The following DCPS variants were observed in gnomAD, a reference collection of about 807,000 sequenced individuals.
DCPS encodes the protein m7GpppX diphosphatase.
Under a neutral mutation model 34.7 loss-of-function variants are expected in DCPS, and 27 were observed. The observed-to-expected ratio is 0.78, with a 90% confidence interval of 0.57 to 1.07. The LOEUF is 1.07. Among genes scored for constraint, DCPS ranks in the 50% least tolerant of loss-of-function variants. The pLI, the probability that DCPS is intolerant of heterozygous loss-of-function variation, is 0.00. For synonymous variants in DCPS, 185 were observed against 185.7 expected (o/e 1.00, Z 0.03); for missense variants, 464 against 436.9 (o/e 1.06, Z -0.55).
intron 2 of DCPS, among the ~76,000 whole-genome samples, chr11:126,307,685 G>T (rs1441667965): frequency 3.3e-5 from 5 of 152,126 alleles, no homozygotes; most frequent in African/African-American, 1.2e-4. Context: ...GGGATTACAG[G>T]TGTGAGCCAC....
In DCPS at chr11:126,345,897, G is replaced by A. The variant is rs1283745142; in HGVS notation, c.*284G>A. ...GGGAGCTGCCCTGGAAGGGTGCCGA[G>A]GGCCTTCTCCAAGCCCCAGGGCTCA... is the stretch of plus-strand genomic sequence containing the variant. On this transcript the variant is annotated 3_prime_UTR_variant, in exon 6 of 6. Transcript: ENST00000263579. The surrounding 1 kb of genome is among the most constrained non-coding windows in gnomAD (Gnocchi z 7.4). The A allele has an allele frequency of 5.9e-6, 3 of 505,182 alleles. No individual in the cohort carries two copies. The highest frequency in any genetic ancestry group is 5.8e-5 in the African/African-American group (3 of 51,736). The allele number at this position is 505,182 out of a possible 1,614,324, so 31.3% of individuals were successfully genotyped here. A position where few individuals can be genotyped will look rare whatever the true frequency, so the allele number is the denominator to read the frequency against.
At chr11:126,305,741 T>A (rs773042190) in intron 1 of DCPS, among the ~76,000 whole-genome samples, 36 of 148,820 alleles carry the variant, frequency 2.4e-4, no homozygotes, top group African/African-American at 8.0e-4. Context: ...TTGTTTTTTG[T>A]TTGTTTGTTT....
rs1591391213 is a variant in DCPS, at chr11:126,337,974, T to G, written c.523-312T>G. On this transcript the variant is annotated intron_variant, in intron 3 of 5. Transcript: ENST00000263579. The surrounding 1 kb of genome is among the most constrained non-coding windows in gnomAD (Gnocchi z 5.3). ...CTATAGAGGGCAGACACAGCCTGGG[T>G]TTGGAGGCCTCCGCAGAGCATGTGC... 2.9e-6 allele frequency: 1 copy of G among 339,334 alleles called. No homozygotes were observed. Among genetic ancestry groups the G allele is most frequent in the Non-Finnish European group, 5.6e-6 (1 of 177,996 alleles). The allele number at this position is 339,334 out of a possible 1,614,324, so 21.0% of individuals were successfully genotyped here. A position where few individuals can be genotyped will look rare whatever the true frequency, so the allele number is the denominator to read the frequency against.
In DCPS at chr11:126,335,444, C is replaced by CT. The variant is rs959190911; in HGVS notation, c.523-2833dup. 1.3e-4 allele frequency among the ~76,000 whole-genome samples: 19 copies of CT among 151,768 alleles called. No homozygotes were observed. The highest frequency in any genetic ancestry group is 3.9e-4 in the African/African-American group (16 of 41,380). On this transcript the variant is annotated intron_variant, in intron 3 of 5. Transcript: ENST00000263579. This position sits in a 1 kb window ranked among gnomAD's most constrained non-coding sequence, Gnocchi z 4.8. ...GTGTGAATTTTGTTCTTTCATTCTC[C>CT]TTTTTTTTTATCTGGGCCCCTGGCC...
chr11:126,307,753 A>G (rs148481894), intron 2 of DCPS, among the ~76,000 whole-genome samples: 1 of 152,360 alleles, frequency 6.6e-6, no homozygotes, highest in African/African-American at 2.4e-5. Flanking sequence ...ATTGTCAACA[A>G]CACTTAGGAA....
chr11:126,306,821 C>T, intron 2 of DCPS, 77 bp downstream of exon 2: 1 of 1,482,308 alleles, frequency 6.7e-7, no homozygotes, highest in African/African-American at 1.4e-5. Flanking sequence ...GGTGACCAGA[C>T]TCTCTATACC....
intron 2 of DCPS, among the ~76,000 whole-genome samples, chr11:126,314,194 A>G (rs1359075593): frequency 1.3e-5 from 2 of 152,216 alleles, no homozygotes; most frequent in East Asian, 1.9e-4. Context: ...AAGAACACAC[A>G]TATTTGGTTT....
rs1951733220 is a variant in DCPS at position 126,325,523 on chromosome 11, G to A, written c.377-5882G>A. On this transcript the variant is annotated intron_variant, in intron 2 of 5. Transcript: ENST00000263579. The surrounding 1 kb of genome is among the most constrained non-coding windows in gnomAD (Gnocchi z 4.3). ...AGTCAAGTAGGAACAAGATATAAAA[G>A]TATAATTTAGAATTCTGGAAGTATA... is the stretch of plus-strand genomic sequence containing the variant. Among the ~76,000 whole-genome samples the A allele has an allele frequency of 6.6e-6, 1 of 152,172 alleles. No homozygotes were observed. The highest frequency in any genetic ancestry group is 2.1e-4 in the South Asian group (1 of 4,830).
chr11:126,317,241 G>A (rs971269303), intron 2 of DCPS, among the ~76,000 whole-genome samples: 3 of 152,222 alleles, frequency 2.0e-5, no homozygotes, highest in African/African-American at 7.2e-5. Flanking sequence ...TTACAGGCGT[G>A]AGCCACTGCA....
At position 126,319,367 on chromosome 11, in the gene DCPS, T is replaced by C. The variant is rs184209982; in HGVS notation, c.377-12038T>C. Among the ~76,000 whole-genome samples the C allele has an allele frequency of 7.2e-5, 11 of 152,196 alleles. No individual in the cohort carries two copies. The East Asian group carries it at 1.5e-3, about 21-fold the overall frequency. ...AATGTAGGCCAAAACAGCTATTGTT[T>C]CTAGTTGTGAGCCAGTCTGGAAGCA... On this transcript the variant is annotated intron_variant, in intron 2 of 5. Transcript: ENST00000263579. The surrounding 1 kb of genome is among the most constrained non-coding windows in gnomAD (Gnocchi z 4.5).
At position 126,345,491 on chromosome 11, in the gene DCPS, C is replaced by CTGGCTGAG; in HGVS notation, c.893_900dup (p.Val301TrpfsTer4). ...CTCAGGCGTGGAGCGGGCCCACCTG[C>CTGGCTGAG]TGGCTGAGGTGATCGAGAACTTGGA... On this transcript the variant is annotated frameshift_variant, in exon 6 of 6. Coordinates refer to ENST00000263579, the MANE Select transcript of DCPS (RefSeq NM_014026.6). LOFTEE classifies it high-confidence loss of function. The surrounding 1 kb of genome is among the most constrained non-coding windows in gnomAD (Gnocchi z 7.4). 1 of 1,614,138 alleles carries CTGGCTGAG rather than the reference C, an allele frequency of 6.2e-7. No homozygotes were observed. The highest frequency in any genetic ancestry group is 8.5e-7 in the Non-Finnish European group (1 of 1,180,028).
intron 2 of DCPS, among the ~76,000 whole-genome samples, chr11:126,317,045 G>A (rs1951668573): frequency 7.1e-6 from 1 of 140,940 alleles, no homozygotes; most frequent in Admixed American, 7.5e-5. Flanking sequence ...TGCAAGCTCC[G>A]CCTCCCAGGT....
rs781769581 is a variant in DCPS, at chr11:126,328,152, G to A, written c.377-3253G>A. ...GTTAGTGGGTCAGTGGGGAGCCGGCGCGGCTGGAGCAGAGGCCCTAAGCGG... is the reference window on the plus strand; with the variant it reads ...GTTAGTGGGTCAGTGGGGAGCCGGCACGGCTGGAGCAGAGGCCCTAAGCGG... On this transcript the variant is annotated intron_variant, in intron 2 of 5. Coordinates refer to ENST00000263579, the MANE Select transcript of DCPS (RefSeq NM_014026.6). The surrounding 1 kb of genome is among the most constrained non-coding windows in gnomAD (Gnocchi z 6.6). 2.6e-5 allele frequency among the ~76,000 whole-genome samples: 4 copies of A among 152,196 alleles called. No individual in the cohort carries two copies. Among genetic ancestry groups the A allele is most frequent in the Non-Finnish European group, 4.4e-5 (3 of 68,030 alleles).
At chr11:126,316,476 A>T (rs1951659387) in intron 2 of DCPS, among the ~76,000 whole-genome samples, 2 of 151,950 alleles carry the variant, frequency 1.3e-5, no homozygotes, top group Non-Finnish European at 1.5e-5. Context: ...TGCTGGTAAC[A>T]TTGTTTCCAG....
rs1487024784 is a variant in DCPS at position 126,319,480 on chromosome 11, C to G, written c.377-11925C>G. 6.6e-6 allele frequency among the ~76,000 whole-genome samples: 1 copy of G among 152,140 alleles called. No homozygotes were observed. On this transcript the variant is annotated intron_variant, in intron 2 of 5. Transcript: ENST00000263579. This position sits in a 1 kb window ranked among gnomAD's most constrained non-coding sequence, Gnocchi z 4.5. ...GTATCCCCTGGTAAGGCTGTCCTCA[C>G]ACGGCTCTCCAGAGCTCAGGGGAGT...
rs1951716430 is a variant in DCPS, at chr11:126,322,622, C to G, written c.377-8783C>G. On this transcript the variant is annotated intron_variant, in intron 2 of 5. Coordinates refer to ENST00000263579, the MANE Select transcript of DCPS (RefSeq NM_014026.6). The surrounding 1 kb of genome is among the most constrained non-coding windows in gnomAD (Gnocchi z 4.2). ...TTTTTTTTTTTTTTTGAGACGAAGT[C>G]TCACTGCGTTGCCAGGCTGGAGTGC... 7.0e-6 allele frequency among the ~76,000 whole-genome samples: 1 copy of G among 143,784 alleles called. No homozygotes were observed. The allele number at this position is 143,784 out of a possible 152,430, so 94.3% of individuals were successfully genotyped here.
At position 126,332,253 on chromosome 11, in the gene DCPS, G is replaced by A. The variant is rs1306885121; in HGVS notation, c.522+703G>A. On this transcript the variant is annotated intron_variant, in intron 3 of 5. Coordinates refer to ENST00000263579, the MANE Select transcript of DCPS (RefSeq NM_014026.6). The surrounding 1 kb of genome is among the most constrained non-coding windows in gnomAD (Gnocchi z 5.4). ...CAGGGACTCCATTCACAAGCTGGCA[G>A]TCGTCTGGCCAGGCCAGATGCAAGG... 6.6e-6 allele frequency among the ~76,000 whole-genome samples: 1 copy of A among 152,252 alleles called. No individual in the cohort carries two copies. Among genetic ancestry groups the A allele is most frequent in the East Asian group, 1.9e-4 (1 of 5,182 alleles).
Position 126,331,701 on chromosome 11 carries a change from C to A in DCPS, c.522+151C>A. The A allele has an allele frequency of 1.1e-6, 1 of 928,154 alleles. No individual in the cohort carries two copies. The highest frequency in any genetic ancestry group is 1.6e-6 in the Non-Finnish European group (1 of 633,646). 57.5% of individuals were successfully genotyped at this position (928,154 alleles called of 1,614,324 possible). On this transcript the variant is annotated intron_variant, in intron 3 of 5. Coordinates refer to ENST00000263579, the MANE Select transcript of DCPS (RefSeq NM_014026.6). The surrounding 1 kb of genome is among the most constrained non-coding windows in gnomAD (Gnocchi z 7.2). ...GAGAGCATGGCGGACAGAATCCCCACCTCGTGCAGCTTACATCCCATGCAC... is the reference window on the plus strand; with the variant it reads ...GAGAGCATGGCGGACAGAATCCCCAACTCGTGCAGCTTACATCCCATGCAC...
At chr11:126,314,429 G>A (rs1308177059) in intron 2 of DCPS, among the ~76,000 whole-genome samples, 1 of 151,308 alleles carries the variant, frequency 6.6e-6, no homozygotes, top group African/African-American at 2.5e-5. Context: ...GAAACAGTGT[G>A]GAAATTCCTT....
Sources: gnomAD v4.1 joint callset for allele counts (sites outside exome capture counted in the v4.1 genomes callset) on GRCh38, gnomAD v4.1.1 for gene constraint, Gnocchi (gnomAD v3.1) non-coding constraint, MANE v1.5 for transcripts, NCBI Gene and HGNC (gene_info 2026-07-23, HGNC 2026-07-21) for gene names.